The following UVRAG variants were observed in gnomAD, a reference collection of about 807,000 sequenced individuals.
The protein encoded by UVRAG is UV radiation resistance-associated gene protein.
A neutral mutation model predicts 78.0 loss-of-function variants in UVRAG; 19 were observed. That is an observed-to-expected ratio of 0.24 (90% CI 0.17 to 0.36). UVRAG has a LOEUF of 0.36. Among genes scored for constraint, UVRAG ranks in the 10% least tolerant of loss-of-function variants. The pLI is 1.00. For missense variants in UVRAG, 740 were observed against 853.8 expected (o/e 0.87, Z 1.66); for synonymous variants, 323 against 324.6 (o/e 1.00, Z 0.05).
chr11:76,053,560 CTG>C (rs1950915547), intron 12 of UVRAG, among the ~76,000 whole-genome samples: 1 of 152,288 alleles, frequency 6.6e-6, no homozygotes, highest in Admixed American at 6.5e-5. Context: ...CTAACCAAAA[CTG>C]TTATTTCTGG....
rs780509138 is a variant in UVRAG at position 76,016,832 on chromosome 11, A to G, written c.1078A>G (p.Ile360Val). 5.6e-6 allele frequency: 9 copies of G among 1,597,926 alleles called. No homozygotes were observed. Among genetic ancestry groups the G allele is most frequent in the Non-Finnish European group, 7.7e-6 (9 of 1,171,266 alleles). Residue 360 changes from isoleucine (I) to valine (V), a missense_variant, in exon 12 of 15, where the codon ATT (isoleucine) becomes GTT (valine). By Grantham distance (29) the Ile-to-Val change is conservative. Coordinates refer to ENST00000356136, the MANE Select transcript of UVRAG (RefSeq NM_003369.4). Reference sequence around the variant, plus strand: ...ATTTACAGCAAAAGATGATGGAAGCATTGCTGTTGCCCTTGGTTATACTGC... The same window carrying G: ...ATTTACAGCAAAAGATGATGGAAGCGTTGCTGTTGCCCTTGGTTATACTGC... The part of the protein sequence containing the change: ...EDFQAKDDGS[I>V]AVALGYTAHL...
At chr11:75,976,566 C>A (rs1011569930) in intron 7 of UVRAG, among the ~76,000 whole-genome samples, 17 of 152,016 alleles carry the variant, frequency 1.1e-4, no homozygotes, top group African/African-American at 4.1e-4. Flanking sequence ...CTCTATTCAG[C>A]GATTCAGCTT....
chr11:75,843,088 C>T (rs1282838494), intron 1 of UVRAG, among the ~76,000 whole-genome samples: 1 of 152,190 alleles, frequency 6.6e-6, no homozygotes, highest in Non-Finnish European at 1.5e-5. Flanking sequence ...ATTAAGGGCA[C>T]ATCAGTTCTC....
intron 12 of UVRAG, among the ~76,000 whole-genome samples, chr11:76,040,816 A>G (rs1021041784): frequency 4.6e-5 from 7 of 152,078 alleles, no homozygotes; most frequent in African/African-American, 1.7e-4. Context: ...TGGCCTCCCA[A>G]GGTGCTGGGA....
At chr11:76,063,099 A>G (rs1187139983) in intron 12 of UVRAG, among the ~76,000 whole-genome samples, 1 of 152,218 alleles carries the variant, frequency 6.6e-6, no homozygotes, top group African/African-American at 2.4e-5. Context: ...TTCACAAATA[A>G]TCTTTTTTAA....
Position 76,142,949 on chromosome 11 carries a change from A to G in UVRAG, c.*1536A>G, listed in dbSNP as rs953819149. ...AGCTACATTGTTGTTTTCCATGTAG[A>G]GAACTCACAGGATGACTACATCACA... is the stretch of plus-strand genomic sequence containing the variant. On this transcript the variant is annotated 3_prime_UTR_variant, in exon 15 of 15. Coordinates refer to ENST00000356136, the MANE Select transcript of UVRAG (RefSeq NM_003369.4). 3.9e-5 allele frequency: 6 copies of G among 152,268 alleles called. No homozygotes were observed. The highest frequency in any genetic ancestry group is 1.4e-4 in the African/African-American group (6 of 41,462). 9.4% of individuals were successfully genotyped at this position (152,268 alleles called of 1,614,324 possible).
chr11:75,882,543 TA>T (rs1039267247), intron 4 of UVRAG, among the ~76,000 whole-genome samples: 2 of 151,798 alleles, frequency 1.3e-5, no homozygotes, highest in African/African-American at 2.4e-5. Context: ...TTTGAAAATC[TA>T]AAAAAAACTA....
chr11:75,872,212 T>G (rs1242449004), intron 3 of UVRAG, among the ~76,000 whole-genome samples: 1 of 152,144 alleles, frequency 6.6e-6, no homozygotes, highest in Non-Finnish European at 1.5e-5. Flanking sequence ...CTCCCCTTTC[T>G]TAAATAGGGG....
chr11:75,892,984 C>G (rs574589012), intron 5 of UVRAG, among the ~76,000 whole-genome samples: 12 of 152,024 alleles, frequency 7.9e-5, no homozygotes, highest in Non-Finnish European at 1.8e-4. Flanking sequence ...TCAAGACCAG[C>G]CTAGCCAACG....
chr11:75,864,750 C>A (rs1389650491), intron 3 of UVRAG, among the ~76,000 whole-genome samples: 1 of 152,214 alleles, frequency 6.6e-6, no homozygotes, highest in Non-Finnish European at 1.5e-5. Context: ...AACTGCAAAT[C>A]TTCAATTAGA....
intron 5 of UVRAG, among the ~76,000 whole-genome samples, chr11:75,907,723 C>G (rs1947647951): frequency 6.6e-6 from 1 of 150,482 alleles, no homozygotes; most frequent in Admixed American, 6.6e-5. Flanking sequence ...GAAATGGTGT[C>G]TCACTGTATT....
chr11:76,005,418 A>G (rs1027507262), intron 9 of UVRAG, among the ~76,000 whole-genome samples: 1 of 152,210 alleles, frequency 6.6e-6, no homozygotes, highest in Admixed American at 6.5e-5. Flanking sequence ...GCAGATAGGA[A>G]GTCAATGCTC....
chr11:76,127,376 G>A (rs1046650416), intron 14 of UVRAG, among the ~76,000 whole-genome samples: 6 of 152,242 alleles, frequency 3.9e-5, no homozygotes, highest in Admixed American at 6.5e-5. Context: ...AATGAGGGCC[G>A]GGCACGGTGG....
chr11:75,921,397 A>G (rs992746616), intron 6 of UVRAG, among the ~76,000 whole-genome samples: 2 of 152,164 alleles, frequency 1.3e-5, no homozygotes, highest in Non-Finnish European at 2.9e-5. Context: ...TTGCCTATTC[A>G]TTTACTTTAC....
At position 75,835,962 on chromosome 11, in the gene UVRAG, G is replaced by A. The variant is rs756804101; in HGVS notation, c.118-15921G>A. Reference sequence around the variant, plus strand: ...AATATATACAAAAAATTAACTGGGCGTGGTGGTGTGCGCCTGTAGTCCCAG... The same window carrying A: ...AATATATACAAAAAATTAACTGGGCATGGTGGTGTGCGCCTGTAGTCCCAG... On this transcript the variant is annotated intron_variant, in intron 1 of 14. Coordinates refer to ENST00000356136, the MANE Select transcript of UVRAG (RefSeq NM_003369.4). Among the ~76,000 whole-genome samples, 15 of 152,114 alleles carry A rather than the reference G, an allele frequency of 9.9e-5. No individual in the cohort carries two copies. The East Asian group carries it at 1.2e-3, about 12-fold the overall frequency.
intron 13 of UVRAG, among the ~76,000 whole-genome samples, chr11:76,107,288 G>A (rs1951988323): frequency 6.6e-6 from 1 of 151,974 alleles, no homozygotes. Context: ...AGCCTGTAAG[G>A]GTAGAACTTG....
At chr11:75,923,336 T>G (rs943551730) in intron 6 of UVRAG, among the ~76,000 whole-genome samples, 7 of 152,148 alleles carry the variant, frequency 4.6e-5, no homozygotes, top group African/African-American at 1.7e-4. Flanking sequence ...CAAGATTAGT[T>G]TTTAGCAGTT....
Position 75,944,485 on chromosome 11 carries a change from G to A in UVRAG, c.594-16959G>A, listed in dbSNP as rs540412843. Among the ~76,000 whole-genome samples, 3 of 152,242 alleles carry A rather than the reference G, an allele frequency of 2.0e-5. No homozygotes were observed. The South Asian group carries it at 6.2e-4, about 32-fold the overall frequency. On this transcript the variant is annotated intron_variant, in intron 6 of 14. Transcript: ENST00000356136. ...GAAATTTTTAAATGCATGGCATAGG[G>A]CTCTGCTATTGACCTAGTCTTTTTC... is the stretch of plus-strand genomic sequence containing the variant.
Position 75,885,966 on chromosome 11 carries a change from T to C in UVRAG, c.433-2863T>C, listed in dbSNP as rs1947068449. 2.0e-5 allele frequency among the ~76,000 whole-genome samples: 3 copies of C among 152,224 alleles called. No homozygotes were observed. In the South Asian group the frequency reaches 6.2e-4, roughly 32 times the overall value. ...CCGTTTTTATGACACTCATGCAAGG[T>C]AGGGCAGGAAATGTTTTCTGGTTTT... is the stretch of plus-strand genomic sequence containing the variant. On this transcript the variant is annotated intron_variant, in intron 4 of 14. Coordinates refer to ENST00000356136, the MANE Select transcript of UVRAG (RefSeq NM_003369.4).
Sources: allele counts gnomAD v4.1 joint callset (sites outside exome capture counted in the v4.1 genomes callset), GRCh38; gene constraint gnomAD v4.1.1; transcripts MANE v1.5; gene names NCBI Gene and HGNC (gene_info 2026-07-23, HGNC 2026-07-21).